The following SUCLG2 variants were observed in gnomAD, a reference collection of about 807,000 sequenced individuals.
The protein encoded by SUCLG2 is succinate-CoA ligase GDP-forming subunit beta, also known as succinate--CoA ligase [GDP-forming] subunit beta, mitochondrial.
SUCLG2 carries 42 observed loss-of-function variants against 47.9 expected under a neutral mutation model. The observed-to-expected ratio is 0.88, with a 90% CI of 0.69 to 1.14. The LOEUF is 1.14. SUCLG2 is among the 50% of genes most tolerant of loss of function. The pLI, the probability that SUCLG2 is intolerant of heterozygous loss-of-function variation, is 0.00. For synonymous variants in SUCLG2, 195 were observed against 197.3 expected (o/e 0.99, Z 0.10); for missense variants, 571 against 525.9 (o/e 1.09, Z -0.84).
intron 10 of SUCLG2, among the ~76,000 whole-genome samples, chr3:67,400,166 T>C (rs1465729252): frequency 6.6e-6 from 1 of 150,984 alleles, no homozygotes; most frequent in Non-Finnish European, 1.5e-5. Context: ...TGAAAAGTTA[T>C]TTACAAACCT....
chr3:67,614,071 A>G (rs2242020), intron 1 of SUCLG2, among the ~76,000 whole-genome samples: 74,139 of 151,942 alleles, frequency 0.49, 19,012 homozygotes, highest in African/African-American at 0.64. Flanking sequence ...AGGAAGAGCT[A>G]CCTGTTATGA....
intron 7 of SUCLG2, among the ~76,000 whole-genome samples, chr3:67,504,293 A>G (rs1705581060): frequency 2.6e-5 from 4 of 152,104 alleles, no homozygotes; most frequent in Admixed American, 2.0e-4. Context: ...ATGTTCTTGA[A>G]AATAGAGTCT....
chr3:67,630,337 A>G (rs1280766105), intron 1 of SUCLG2, among the ~76,000 whole-genome samples: 1 of 152,246 alleles, frequency 6.6e-6, no homozygotes, highest in Non-Finnish European at 1.5e-5. Flanking sequence ...TGGTGGTTCT[A>G]TTATATAGAA....
intron 10 of SUCLG2, among the ~76,000 whole-genome samples, chr3:67,384,038 C>T (rs553790236): frequency 6.6e-6 from 1 of 152,288 alleles, no homozygotes; most frequent in Admixed American, 6.5e-5. Flanking sequence ...GTAATTTTAA[C>T]AGTGTGAGAC....
intron 2 of SUCLG2, among the ~76,000 whole-genome samples, chr3:67,585,505 C>T (rs1707992133): frequency 6.6e-6 from 1 of 152,142 alleles, no homozygotes; most frequent in Admixed American, 6.5e-5. Flanking sequence ...AGAGAGCAGG[C>T]AAAGGACATT....
chr3:67,626,786 C>T lies in SUCLG2; in HGVS notation c.85-17190G>A, dbSNP rs143606332. 2.1e-3 allele frequency among the ~76,000 whole-genome samples: 326 copies of T among 151,866 alleles called. 1 individual carries two copies. The highest frequency in any genetic ancestry group is 0.01 in the Middle Eastern group (3 of 292). On this transcript the variant is annotated intron_variant, in intron 1 of 10. Coordinates refer to ENST00000307227, the MANE Select transcript of SUCLG2 (RefSeq NM_003848.4). ...AAAATTAGCTGGGCGTGGTGGCGGG[C>T]ACCTGTAGTCCCAGCTACATGGGAG...
chr3:67,366,710 A>T (rs1307879804), intron 10 of SUCLG2, among the ~76,000 whole-genome samples: 1 of 152,168 alleles, frequency 6.6e-6, no homozygotes, highest in Non-Finnish European at 1.5e-5. Flanking sequence ...GACAACGTTG[A>T]GCAGAATTTA....
intron 10 of SUCLG2, among the ~76,000 whole-genome samples, chr3:67,392,903 C>T (rs948018170): frequency 2.6e-5 from 4 of 152,004 alleles, no homozygotes; most frequent in Admixed American, 1.3e-4. Flanking sequence ...CAGCCTTGAA[C>T]TCCTGGGCTC....
At chr3:67,421,040 G>A (rs1026077204) in intron 9 of SUCLG2, among the ~76,000 whole-genome samples, 3 of 152,108 alleles carry the variant, frequency 2.0e-5, no homozygotes, top group Non-Finnish European at 4.4e-5. Flanking sequence ...ATAAGTATCA[G>A]GTCATTTCAT....
At chr3:67,414,354 T>A (rs1450003586) in intron 9 of SUCLG2, among the ~76,000 whole-genome samples, 1 of 152,240 alleles carries the variant, frequency 6.6e-6, no homozygotes, top group Non-Finnish European at 1.5e-5. Flanking sequence ...TGACTGTTTT[T>A]ATAGATGTAT....
intron 9 of SUCLG2, among the ~76,000 whole-genome samples, chr3:67,432,108 G>A (rs1280596901): frequency 6.6e-6 from 1 of 152,138 alleles, no homozygotes; most frequent in Non-Finnish European, 1.5e-5. Context: ...ACTGTTAGCA[G>A]GCACTAGATT....
chr3:67,574,479 A>G (rs1376391549), intron 2 of SUCLG2, among the ~76,000 whole-genome samples: 1 of 152,262 alleles, frequency 6.6e-6, no homozygotes, highest in Non-Finnish European at 1.5e-5. Context: ...TGGGGAATGT[A>G]TCCTCTGTTC....
intron 2 of SUCLG2, among the ~76,000 whole-genome samples, chr3:67,543,796 G>GA (rs1706785102): frequency 1.3e-5 from 2 of 151,740 alleles, no homozygotes; most frequent in East Asian, 2.0e-4. Flanking sequence ...TTATGTGTCA[G>GA]AAAAATAAAA....
intron 10 of SUCLG2, among the ~76,000 whole-genome samples, chr3:67,383,635 A>G (rs1333300596): frequency 6.6e-6 from 1 of 152,190 alleles, no homozygotes. Flanking sequence ...GTTCTTCTCT[A>G]CACGGTTTCA....
chr3:67,421,370 C>A (rs185324358), intron 9 of SUCLG2, among the ~76,000 whole-genome samples: 180 of 152,226 alleles, frequency 1.2e-3, no homozygotes, highest in Middle Eastern at 3.4e-3. Context: ...ACAATCCTCT[C>A]TCAGCAAAAA....
intron 1 of SUCLG2, among the ~76,000 whole-genome samples, chr3:67,637,825 C>A (rs1417267431): frequency 6.6e-6 from 1 of 152,128 alleles, no homozygotes; most frequent in Non-Finnish European, 1.5e-5. Context: ...TTCTCCTATA[C>A]CACATTATGA....
chr3:67,532,111 T>C (rs943009444), intron 2 of SUCLG2, among the ~76,000 whole-genome samples: 1 of 152,158 alleles, frequency 6.6e-6, no homozygotes, highest in Non-Finnish European at 1.5e-5. Flanking sequence ...GAGGAAAAAA[T>C]TAACTCTAAT....
intron 9 of SUCLG2, among the ~76,000 whole-genome samples, chr3:67,456,129 C>G (rs1225862104): frequency 6.6e-6 from 1 of 152,148 alleles, no homozygotes; most frequent in Non-Finnish European, 1.5e-5. Context: ...TCCCTTTCAA[C>G]CTGGAATCAT....
rs539055240 is a variant in SUCLG2 at position 67,491,658 on chromosome 3, A to G, written c.1062+4140T>C. ...CAGGCATGAGCCACCGCATCCAGCC[A>G]TGTTCTATTTCTTGATCTGGCTGGA... On this transcript the variant is annotated intron_variant, in intron 9 of 10. Transcript: ENST00000307227. 5.3e-5 allele frequency among the ~76,000 whole-genome samples: 8 copies of G among 152,256 alleles called. No homozygotes were observed. The South Asian group carries it at 1.5e-3, about 28-fold the overall frequency.
Sources: allele counts gnomAD v4.1 joint callset (sites outside exome capture counted in the v4.1 genomes callset), GRCh38; gene constraint gnomAD v4.1.1; transcripts MANE v1.5; gene names NCBI Gene and HGNC (gene_info 2026-07-23, HGNC 2026-07-21).